Variants in RBFOX3 observed in about 807,000 individuals in gnomAD.
RBFOX3 encodes the protein RNA binding protein fox-1 homolog 3.
Under a neutral mutation model 48.7 loss-of-function variants are expected in RBFOX3, and 17 were observed. The observed-to-expected ratio is 0.35, with a 90% CI of 0.24 to 0.52. RBFOX3 has a LOEUF of 0.52. Ranked by LOEUF, RBFOX3 falls within the 20% of genes least tolerant of loss-of-function variation. The pLI is 0.94. For missense variants in RBFOX3, 382 were observed against 497.5 expected, an observed-to-expected ratio of 0.77 and a Z score of 2.21; for synonymous variants, 212 against 209.5, an observed-to-expected ratio of 1.01 and a Z score of -0.10.
chr17:79,380,810 C>T (rs2059814981), intron 2 of RBFOX3, among the ~76,000 whole-genome samples: 1 of 152,126 alleles, frequency 6.6e-6, no homozygotes, highest in African/African-American at 2.4e-5. Flanking sequence ...CAGCCTCCAC[C>T]ACACTTTCTA....
At chr17:79,591,196 C>T (rs1481204382) in intron 1 of RBFOX3, among the ~76,000 whole-genome samples, 2 of 152,190 alleles carry the variant, frequency 1.3e-5, no homozygotes, top group East Asian at 1.9e-4. Flanking sequence ...CTGGCAGTCA[C>T]GTGGTCCCGG....
rs141253523 is a variant in RBFOX3 at position 79,177,147 on chromosome 17, G to A, written c.-34+58619C>T. Among the ~76,000 whole-genome samples, 1,200 of 152,190 alleles carry A rather than the reference G, an allele frequency of 7.9e-3. 16 individuals carry two copies. The highest frequency in any genetic ancestry group is 0.028 in the African/African-American group (1,148 of 41,516). ...CATGGGCCTAGCCTGGGCTGAGCTG[G>A]GTGCCAGGGGTTGCAAGCACCTCCC... On this transcript the variant is annotated intron_variant, in intron 4 of 14. Transcript: ENST00000693108.
At chr17:79,406,818 A>G (rs970688339) in intron 2 of RBFOX3, among the ~76,000 whole-genome samples, 1 of 152,182 alleles carries the variant, frequency 6.6e-6, no homozygotes, top group Non-Finnish European at 1.5e-5. Context: ...CTGGATGCTT[A>G]CTGAGCAGCC....
chr17:79,282,558 A>C (rs1161527610), intron 3 of RBFOX3, among the ~76,000 whole-genome samples: 1 of 146,648 alleles, frequency 6.8e-6, no homozygotes, highest in African/African-American at 2.5e-5. Flanking sequence ...CAATGCAAAG[A>C]GAATAGGGGT....
chr17:79,275,452 TC>T lies in RBFOX3; in HGVS notation c.-74+32271del, dbSNP rs35312058. Reference sequence around the variant, plus strand: ...TGATTTCCTGTTTGGGGACTAATGGTCCCCCCCCAACCTCCAAGACGGTAGG... The same window carrying T: ...TGATTTCCTGTTTGGGGACTAATGGTCCCCCCCAACCTCCAAGACGGTAGG... On this transcript the variant is annotated intron_variant, in intron 3 of 14. Transcript: ENST00000693108. Among the ~76,000 whole-genome samples the T allele has an allele frequency of 2.7e-4, 40 of 150,920 alleles. 1 individual carries two copies. The highest frequency in any genetic ancestry group is 8.3e-4 in the African/African-American group (34 of 41,044).
chr17:79,416,684 T>C (rs1555719251), intron 2 of RBFOX3, among the ~76,000 whole-genome samples: 1 of 151,268 alleles, frequency 6.6e-6, no homozygotes, highest in African/African-American at 2.4e-5. Context: ...CCCCTCCAGG[T>C]TGGGATGGGG....
chr17:79,277,802 G>A (rs567858184), intron 3 of RBFOX3, among the ~76,000 whole-genome samples: 1 of 152,228 alleles, frequency 6.6e-6, no homozygotes, highest in Non-Finnish European at 1.5e-5. Context: ...CAGAAGGCTC[G>A]GAGACAGCGT....
chr17:79,245,232 C>T (rs2062993471), intron 3 of RBFOX3, among the ~76,000 whole-genome samples: 1 of 151,992 alleles, frequency 6.6e-6, no homozygotes, highest in Non-Finnish European at 1.5e-5. Flanking sequence ...GCCACCACAC[C>T]CGGCTCATTT....
intron 2 of RBFOX3, among the ~76,000 whole-genome samples, chr17:79,430,840 C>T (rs185474583): frequency 1.5e-3 from 226 of 152,358 alleles, no homozygotes; most frequent in African/African-American, 5.2e-3. Context: ...CCACCACACC[C>T]GCCCTGTGCT....
At chr17:79,637,671 G>A in the RBFOX3 span, among the ~76,000 whole-genome samples, 1 of 150,222 alleles carries the variant, frequency 6.7e-6, no homozygotes, top group African/African-American at 2.5e-5. Context: ...CTCCAGCTTG[G>A]GCAACAAGAG....
At chr17:79,132,409 T>C (rs2039154168) in intron 4 of RBFOX3, among the ~76,000 whole-genome samples, 1 of 152,154 alleles carries the variant, frequency 6.6e-6, no homozygotes, top group African/African-American at 2.4e-5. Context: ...GTCCCTGCCG[T>C]GGTCTGAGGC....
chr17:79,126,163 C>T (rs906786263), intron 4 of RBFOX3, among the ~76,000 whole-genome samples: 5 of 152,260 alleles, frequency 3.3e-5, no homozygotes, highest in Non-Finnish European at 5.9e-5. Flanking sequence ...GCGTCTGCCA[C>T]ATTCCCAGTT....
intron 1 of RBFOX3, among the ~76,000 whole-genome samples, chr17:79,483,696 G>T (rs111480347): frequency 0.014 from 2,179 of 151,832 alleles, 45 homozygotes; most frequent in African/African-American, 0.05. Flanking sequence ...CATCCACAAC[G>T]GCTGGATTTA....
At chr17:79,430,495 T>C (rs1555727896) in intron 2 of RBFOX3, among the ~76,000 whole-genome samples, 1 of 152,228 alleles carries the variant, frequency 6.6e-6, no homozygotes. Context: ...CTTTTGCAAG[T>C]ACTTTTGTTT....
rs564151377 is a variant in RBFOX3, at chr17:79,111,201, A to G, written c.222+4293T>C. On this transcript the variant is annotated intron_variant, in intron 5 of 14. Transcript: ENST00000693108. The surrounding 1 kb of genome is among the most constrained non-coding windows in gnomAD (Gnocchi z 4.2). Reference sequence around the variant, plus strand: ...GAGGCCTCCAGGGACCTGGGCGCACAGGCATCTATGCCTGCAGTGAAGCCA... The same window carrying G: ...GAGGCCTCCAGGGACCTGGGCGCACGGGCATCTATGCCTGCAGTGAAGCCA... 1.3e-5 allele frequency among the ~76,000 whole-genome samples: 2 copies of G among 152,350 alleles called. No homozygotes were observed. The highest frequency in any genetic ancestry group is 6.5e-5 in the Admixed American group (1 of 15,310).
At chr17:79,627,156 G>T in the RBFOX3 span, among the ~76,000 whole-genome samples, 1 of 152,230 alleles carries the variant, frequency 6.6e-6, no homozygotes, top group African/African-American at 2.4e-5. Context: ...CCTGTCCAGG[G>T]AATGTGCCCT....
At position 79,242,339 on chromosome 17, in the gene RBFOX3, T is replaced by C. The variant is rs960106655; in HGVS notation, c.-73-6534A>G. 6.6e-6 allele frequency among the ~76,000 whole-genome samples: 1 copy of C among 152,196 alleles called. No homozygotes were observed. The highest frequency in any genetic ancestry group is 2.4e-5 in the African/African-American group (1 of 41,436). On this transcript the variant is annotated intron_variant, in intron 3 of 14. Coordinates refer to ENST00000693108, the MANE Select transcript of RBFOX3 (RefSeq NM_001350451.2). This position sits in a 1 kb window ranked among gnomAD's most constrained non-coding sequence, Gnocchi z 5.8. ...TTTATGAAACGATCTGTTTGTGCTC[T>C]TTCCCTAAGGGGAGCTGGAGGTGAA...
intron 3 of RBFOX3, among the ~76,000 whole-genome samples, chr17:79,272,916 T>C (rs1239037716): frequency 1.1e-5 from 1 of 88,910 alleles, no homozygotes; most frequent in Non-Finnish European, 2.6e-5. Context: ...TCCCCATCTC[T>C]AGGGCCACCC....
the RBFOX3 span, among the ~76,000 whole-genome samples, chr17:79,646,432 G>A: frequency 6.6e-6 from 1 of 152,194 alleles, no homozygotes; most frequent in Non-Finnish European, 1.5e-5. Flanking sequence ...TGAACTTACA[G>A]TTCCACATAA....
Sources: gnomAD v4.1 joint callset for allele counts (sites outside exome capture counted in the v4.1 genomes callset) on GRCh38, gnomAD v4.1.1 for gene constraint, Gnocchi (gnomAD v3.1) non-coding constraint, MANE v1.5 for transcripts, NCBI Gene and HGNC (gene_info 2026-07-23, HGNC 2026-07-21) for gene names.